Variants in ZBTB37 observed in about 807,000 individuals in gnomAD.
The protein encoded by ZBTB37 is zinc finger and BTB domain-containing protein 37.
A neutral mutation model predicts 37.7 loss-of-function variants in ZBTB37; 15 were observed. The observed-to-expected ratio is 0.40, with a 90% CI of 0.27 to 0.61. The LOEUF (loss-of-function observed/expected upper bound fraction) is 0.61. Among genes scored for constraint, ZBTB37 ranks in the 20% least tolerant of loss-of-function variants. The probability of loss-of-function intolerance (pLI) is 0.44; values close to 1 mark genes in which losing one functional copy is unlikely to be tolerated. For synonymous variants in ZBTB37, 231 were observed against 220.6 expected, an observed-to-expected ratio of 1.05 and a Z score of -0.42; for missense variants, 514 against 641.9, an observed-to-expected ratio of 0.80 and a Z score of 2.15.
intron 2 of ZBTB37, among the ~76,000 whole-genome samples, chr1:173,869,980 A>G (rs991187012): frequency 2.0e-4 from 31 of 152,318 alleles, no homozygotes; most frequent in African/African-American, 7.2e-4. Flanking sequence ...TTAGGAGTCT[A>G]AAGATCACTT....
intron 4 of ZBTB37, among the ~76,000 whole-genome samples, chr1:173,875,017 C>G (rs1557884984): frequency 1.3e-5 from 2 of 150,996 alleles, no homozygotes; most frequent in Non-Finnish European, 2.9e-5. Flanking sequence ...ATTATAATAA[C>G]CACACTGTAG....
intron 4 of ZBTB37, among the ~76,000 whole-genome samples, chr1:173,878,179 C>T (rs1189072161): frequency 6.6e-6 from 1 of 152,200 alleles, no homozygotes; most frequent in Non-Finnish European, 1.5e-5. Flanking sequence ...GTCCTAACTG[C>T]TCCAGTCCTC....
In ZBTB37 at chr1:173,877,239, A is replaced by G. The variant is rs76187817; in HGVS notation, c.1023+3673A>G. On this transcript the variant is annotated intron_variant, in intron 4 of 4. Coordinates refer to ENST00000427304, the Ensembl canonical transcript of ZBTB37. ...AATGGGGGCATAAGACAGACTAACA[A>G]ATACACACAAAAAAACTGTAAGACT... Among the ~76,000 whole-genome samples, 11 of 152,294 alleles carry G rather than the reference A, an allele frequency of 7.2e-5. No homozygotes were observed. The East Asian group carries it at 1.3e-3, about 19-fold the overall frequency.
chr1:173,892,717 A>G (rs1184789193), exon 4 of ZBTB37: 1 of 152,208 alleles, frequency 6.6e-6, no homozygotes. Flanking sequence ...CATTATCAAT[A>G]TATCAGTAGC....
intron 4 of ZBTB37, among the ~76,000 whole-genome samples, chr1:173,874,568 G>C (rs941993591): frequency 4.6e-5 from 7 of 152,080 alleles, no homozygotes; most frequent in African/African-American, 1.7e-4. Flanking sequence ...AGCCAGGGTG[G>C]TTTCGATCTC....
chr1:173,881,952 G>A (rs1656336210), intron 4 of ZBTB37, among the ~76,000 whole-genome samples: 1 of 151,654 alleles, frequency 6.6e-6, no homozygotes, highest in Admixed American at 6.6e-5. Context: ...TACTCAGGAG[G>A]CTAAGGCAGG....
At chr1:173,879,295 G>A (rs1224911823) in intron 4 of ZBTB37, among the ~76,000 whole-genome samples, 2 of 152,102 alleles carry the variant, frequency 1.3e-5, no homozygotes, top group African/African-American at 4.8e-5. Context: ...TTGGAAACAA[G>A]GGATGGGGGT....
At chr1:173,877,310 TAAA>T (rs1157546287) in intron 4 of ZBTB37, among the ~76,000 whole-genome samples, 1 of 151,666 alleles carries the variant, frequency 6.6e-6, no homozygotes, top group Admixed American at 6.6e-5. Flanking sequence ...TAGGATTGTT[TAAA>T]AGGCAATGGA....
intron 4 of ZBTB37, among the ~76,000 whole-genome samples, 184 bp from the exon 5 acceptor site, chr1:173,885,447 ATAGAG>A (rs1355231741): frequency 2.6e-5 from 4 of 152,210 alleles, no homozygotes; most frequent in Non-Finnish European, 5.9e-5. Flanking sequence ...TAGTAATGGA[ATAGAG>A]TAGTCTCAAT....
At chr1:173,883,491 T>A (rs1189329073) in intron 4 of ZBTB37, among the ~76,000 whole-genome samples, 2 of 152,184 alleles carry the variant, frequency 1.3e-5, no homozygotes, top group Non-Finnish European at 2.9e-5. Flanking sequence ...AAAAGTGTAC[T>A]GTTATCATGT....
exon 3 of ZBTB37, chr1:173,871,024 A>T: frequency 6.2e-7 from 1 of 1,614,244 alleles, no homozygotes; most frequent in East Asian, 2.2e-5. Flanking sequence ...AGATGGGAGT[A>T]GTGCAGAGGA....
exon 3 of ZBTB37, chr1:173,871,064 G>A (rs1338531899): frequency 6.2e-7 from 1 of 1,614,170 alleles, no homozygotes; most frequent in East Asian, 2.2e-5. Flanking sequence ...GATACCACAG[G>A]CCATGGTTCT....
rs955332618 is a variant in ZBTB37, at chr1:173,870,889, G to A, written c.664G>A (p.Val222Met). ...GATCAACCGAGCAGGACAGTGGTAT[G>A]TGGAGACAGGAGTGGCGGACCGTGG... Residue 222 changes from valine (V) to methionine (M), a missense_variant, in exon 3 of 5, where the codon GTG becomes ATG. Physicochemically the swap from Val to Met is conservative, Grantham distance 21 (BLOSUM62 1). This residue lies in a region of ZBTB37 where 323 missense variants were observed against 321.9 expected (regional missense o/e 1.00). Coordinates refer to ENST00000427304, the Ensembl canonical transcript of ZBTB37. 6 of 1,614,238 alleles carry A rather than the reference G, an allele frequency of 3.7e-6. No homozygotes were observed. In the South Asian group the frequency reaches 5.5e-5, roughly 15 times the overall value.
intron 2 of ZBTB37, 129 bp from the exon 3 acceptor site, chr1:173,870,071 A>G (rs1295334141): frequency 4.9e-6 from 3 of 617,874 alleles, no homozygotes; most frequent in Non-Finnish European, 2.7e-6. Flanking sequence ...AAATATAAGG[A>G]AGGTATTTCT....
exon 2 of ZBTB37, chr1:173,868,964 C>T (rs1332815790): frequency 1.3e-5 from 2 of 152,816 alleles, no homozygotes; most frequent in East Asian, 3.9e-4. Context: ...AAAGACTTTC[C>T]TCCAGGGGCT....
intron 4 of ZBTB37, among the ~76,000 whole-genome samples, chr1:173,884,205 G>T (rs1466542327): frequency 6.7e-6 from 1 of 149,412 alleles, no homozygotes; most frequent in Non-Finnish European, 1.5e-5. Flanking sequence ...AGCCTGGAGT[G>T]CAGTGGCCTG....
At chr1:173,874,752 G>T (rs1033449922) in intron 4 of ZBTB37, among the ~76,000 whole-genome samples, 1 of 152,088 alleles carries the variant, frequency 6.6e-6, no homozygotes. Context: ...CTTCTACCCA[G>T]CTTTTTATTT....
At chr1:173,876,059 A>G (rs1164101498) in intron 4 of ZBTB37, among the ~76,000 whole-genome samples, 1 of 152,190 alleles carries the variant, frequency 6.6e-6, no homozygotes, top group African/African-American at 2.4e-5. Flanking sequence ...TAGAAAGGAT[A>G]GGAATGATGG....
chr1:173,872,200 C>G (rs1439484582), intron 3 of ZBTB37, among the ~76,000 whole-genome samples: 1 of 152,050 alleles, frequency 6.6e-6, no homozygotes. Flanking sequence ...TCCCGAGTAG[C>G]TGGGACTACA....
Sources: allele counts gnomAD v4.1 joint callset (sites outside exome capture counted in the v4.1 genomes callset), GRCh38; gene constraint gnomAD v4.1.1; regional missense constraint gnomAD v4.1.1; transcripts MANE v1.5; gene names NCBI Gene and HGNC (gene_info 2026-07-23, HGNC 2026-07-21).